Variants in UNC13C observed in about 807,000 individuals in gnomAD.
UNC13C encodes unc-13 homolog C, also known as protein unc-13 homolog C.
A neutral mutation model predicts 245.4 loss-of-function variants in UNC13C; 174 were observed. The ratio of observed to expected loss-of-function variants is 0.71; its 90% CI spans 0.63 to 0.80. UNC13C has a LOEUF of 0.80. Ranked by LOEUF, UNC13C falls within the 30% of genes least tolerant of loss-of-function variation. The pLI, the probability that UNC13C is intolerant of heterozygous loss-of-function variation, is 0.00. For synonymous variants in UNC13C, 992 were observed against 895.1 expected (o/e 1.11, Z -1.93); for missense variants, 2,829 against 2,602.9 (o/e 1.09, Z -1.89).
chr15:54,567,358 C>T (rs937105992), intron 29 of UNC13C, among the ~76,000 whole-genome samples: 3 of 152,098 alleles, frequency 2.0e-5, no homozygotes, highest in Non-Finnish European at 2.9e-5. Flanking sequence ...AGACACCTGA[C>T]CTAGAATCTC....
At chr15:54,537,773 C>T (rs540921441) in intron 26 of UNC13C, among the ~76,000 whole-genome samples, 3 of 152,112 alleles carry the variant, frequency 2.0e-5, no homozygotes, top group African/African-American at 7.2e-5. Flanking sequence ...GTTAGAATAA[C>T]TGGCTAGCCA....
At chr15:54,036,791 G>T (rs1400998661) in intron 2 of UNC13C, among the ~76,000 whole-genome samples, 2 of 152,190 alleles carry the variant, frequency 1.3e-5, no homozygotes, top group Non-Finnish European at 2.9e-5. Context: ...AATTTGAGGT[G>T]TTCAAAGACC....
the UNC13C span, among the ~76,000 whole-genome samples, chr15:53,954,289 G>A: frequency 6.6e-6 from 1 of 152,196 alleles, no homozygotes; most frequent in Non-Finnish European, 1.5e-5. Context: ...CCACTAGAGT[G>A]TGTGCTTCCT....
chr15:54,423,676 A>C lies in UNC13C; in HGVS notation c.4933+8609A>C, dbSNP rs75463805. Among the ~76,000 whole-genome samples, 53 of 152,048 alleles carry C rather than the reference A, an allele frequency of 3.5e-4. 1 individual carries two copies. In the East Asian group the frequency reaches 9.9e-3, roughly 28 times the overall value. Reference sequence around the variant, plus strand: ...AGAAGGAAAAATATAGTAAGAGTTCAATCAAGAAAATAAAGTTGGTATTGG... The same window carrying C: ...AGAAGGAAAAATATAGTAAGAGTTCCATCAAGAAAATAAAGTTGGTATTGG... On this transcript the variant is annotated intron_variant, in intron 19 of 32. Coordinates refer to ENST00000260323, the MANE Select transcript of UNC13C (RefSeq NM_001080534.3).
intron 2 of UNC13C, among the ~76,000 whole-genome samples, chr15:54,027,682 T>C (rs1896173487): frequency 6.6e-6 from 1 of 152,244 alleles, no homozygotes; most frequent in East Asian, 1.9e-4. Flanking sequence ...CTCCCTGGGT[T>C]TTCTGTCTCA....
chr15:54,358,401 T>C (rs1251760845), intron 17 of UNC13C, among the ~76,000 whole-genome samples: 2 of 152,100 alleles, frequency 1.3e-5, no homozygotes, highest in African/African-American at 4.8e-5. Flanking sequence ...TTTAGCTCCC[T>C]TTGGGTAGTA....
At position 54,364,460 on chromosome 15, in the gene UNC13C, C is replaced by T. The variant is rs544222571; in HGVS notation, c.4713+25971C>T. 3.9e-5 allele frequency among the ~76,000 whole-genome samples: 6 copies of T among 152,268 alleles called. No individual in the cohort carries two copies. The South Asian group carries it at 6.2e-4, about 16-fold the overall frequency. On this transcript the variant is annotated intron_variant, in intron 17 of 32. Transcript: ENST00000260323. ...TTGAGCAGGGTCCCAAATCAATGCT[C>T]GTTTTTCTTAGATGTAGGGAGCTAC...
chr15:54,485,672 A>C (rs1056725618), intron 19 of UNC13C, among the ~76,000 whole-genome samples: 1 of 152,214 alleles, frequency 6.6e-6, no homozygotes, highest in Admixed American at 6.5e-5. Context: ...ACAAGATCCT[A>C]TGTGACCTAG....
chr15:54,540,493 T>C (rs949126266), intron 26 of UNC13C, among the ~76,000 whole-genome samples: 29 of 152,164 alleles, frequency 1.9e-4, no homozygotes, highest in African/African-American at 6.5e-4. Context: ...AGTTGATTAA[T>C]TCAGACTGAA....
intron 2 of UNC13C, among the ~76,000 whole-genome samples, chr15:54,136,163 A>C (rs1447933344): frequency 6.6e-6 from 1 of 152,136 alleles, no homozygotes; most frequent in Admixed American, 6.5e-5. Flanking sequence ...TTCAAGATGG[A>C]GTCTCACTCT....
chr15:54,087,150 AT>A (rs1899290247), intron 2 of UNC13C, among the ~76,000 whole-genome samples: 2 of 151,994 alleles, frequency 1.3e-5, no homozygotes, highest in Non-Finnish European at 2.9e-5. Context: ...CCTGTGATGT[AT>A]TTTTCTTATT....
intron 4 of UNC13C, among the ~76,000 whole-genome samples, chr15:54,204,919 A>T (rs921780675): frequency 6.6e-6 from 1 of 152,038 alleles, no homozygotes; most frequent in African/African-American, 2.4e-5. Flanking sequence ...CATTACATAT[A>T]AGTCATTTAA....
chr15:53,927,886 G>C, the UNC13C span, among the ~76,000 whole-genome samples: 2 of 152,186 alleles, frequency 1.3e-5, no homozygotes, highest in African/African-American at 4.8e-5. Flanking sequence ...AAGAGTAGAA[G>C]AATGAGAAGA....
At chr15:54,489,723 C>G (rs1893608837) in intron 19 of UNC13C, among the ~76,000 whole-genome samples, 1 of 152,128 alleles carries the variant, frequency 6.6e-6, no homozygotes, top group East Asian at 1.9e-4. Flanking sequence ...AAACCTGCCA[C>G]AAATACTGGG....
Position 54,013,832 on chromosome 15 carries a change from A to C in UNC13C, c.929A>C (p.Lys310Thr). 6.2e-7 allele frequency: 1 copy of C among 1,612,844 alleles called. No homozygotes were observed. The highest frequency in any genetic ancestry group is 1.1e-5 in the South Asian group (1 of 91,032). ...ACTAGAGACATCCATGATTATATTA[A>C]GCACTTAGGTCATATGGGTAGCAAG... is the stretch of plus-strand genomic sequence containing the variant. ...RETRDIHDYI[K>T]HLGHMGSKAS... The change falls in exon 2 of 33, where the codon AAG (lysine) becomes ACG (threonine). Residue 310 changes from lysine (K) to threonine (T), a missense_variant. Lys to Thr is a moderately conservative substitution (Grantham distance 78, BLOSUM62 -1). Transcript: ENST00000260323.
intron 10 of UNC13C, among the ~76,000 whole-genome samples, chr15:54,278,809 A>G (rs2036901850): frequency 6.6e-6 from 1 of 152,190 alleles, no homozygotes; most frequent in Admixed American, 6.5e-5. Context: ...TGGAAATATT[A>G]TATGGTTCAA....
intron 2 of UNC13C, among the ~76,000 whole-genome samples, chr15:54,139,189 A>G (rs1490281092): frequency 6.6e-6 from 1 of 151,308 alleles, no homozygotes; most frequent in Non-Finnish European, 1.5e-5. Flanking sequence ...CAGACTCCTG[A>G]CCTCATGATC....
At chr15:54,300,780 G>T (rs1293985187) in intron 13 of UNC13C, among the ~76,000 whole-genome samples, 2 of 152,128 alleles carry the variant, frequency 1.3e-5, no homozygotes, top group Non-Finnish European at 2.9e-5. Context: ...CCATATCTGA[G>T]GTAACTAAAG....
chr15:54,181,811 A>G (rs1260082749), intron 4 of UNC13C, among the ~76,000 whole-genome samples: 1 of 151,602 alleles, frequency 6.6e-6, no homozygotes, highest in African/African-American at 2.4e-5. Flanking sequence ...ATGGTATTGC[A>G]CTCTTGATTT....
Sources: gnomAD v4.1 joint callset for allele counts (sites outside exome capture counted in the v4.1 genomes callset) on GRCh38, gnomAD v4.1.1 for gene constraint, MANE v1.5 for transcripts, NCBI Gene and HGNC (gene_info 2026-07-23, HGNC 2026-07-21) for gene names.